Variants in ADCY9 observed in about 807,000 individuals in gnomAD.
ADCY9 encodes the protein adenylate cyclase type 9.
Under a neutral mutation model 101.5 loss-of-function variants are expected in ADCY9, and 50 were observed. The ratio of observed to expected loss-of-function variants is 0.49; its 90% CI spans 0.39 to 0.62. The LOEUF (loss-of-function observed/expected upper bound fraction) is 0.62, where lower values mean the gene tolerates loss of function less well. ADCY9 is among the 20% of genes least tolerant of loss of function. The probability of loss-of-function intolerance (pLI) is 0.00; values close to 1 mark genes in which losing one functional copy is unlikely to be tolerated. For missense variants in ADCY9, 1,662 were observed against 1,800.4 expected (o/e 0.92, Z 1.39); for synonymous variants, 905 against 769.3 (o/e 1.18, Z -2.92).
chr16:3,965,719 C>G lies in ADCY9; in HGVS notation c.*56G>C. 6.6e-7 allele frequency: 1 copy of G among 1,521,162 alleles called. No individual in the cohort carries two copies. Among genetic ancestry groups the G allele is most frequent in the Non-Finnish European group, 8.9e-7 (1 of 1,119,530 alleles). 94.2% of individuals were successfully genotyped at this position (1,521,162 alleles called of 1,614,324 possible). On this transcript the variant is annotated 3_prime_UTR_variant, in exon 11 of 11. Transcript: ENST00000294016. ...GCTTGGAAAGCACAACAGCCAAATA[C>G]AAATATTACTGTGTTTCGACAAACA...
chr16:4,102,173 A>C (rs556267393), intron 2 of ADCY9, among the ~76,000 whole-genome samples: 1 of 152,290 alleles, frequency 6.6e-6, no homozygotes, highest in East Asian at 1.9e-4. Flanking sequence ...TCCACCATCG[A>C]GTCACTATGC....
rs1382458827 is a variant in ADCY9 at position 4,097,553 on chromosome 16, A to ATATATATAT, written c.1693+16196_1693+16197insATATATATA. 8.8e-4 allele frequency among the ~76,000 whole-genome samples: 47 copies of ATATATATAT among 53,402 alleles called. 1 individual carries two copies. Among genetic ancestry groups the ATATATATAT allele is most frequent in the East Asian group, 6.1e-3 (8 of 1,316 alleles). The allele number at this position is 53,402 out of a possible 152,430, so 35.0% of individuals were successfully genotyped here. A position where few individuals can be genotyped will look rare whatever the true frequency, so the allele number is the denominator to read the frequency against. The stretch of plus-strand genomic sequence containing the variant: ...CATATATATATATATATATATATAT[A>ATATATATAT]TTTTTTTTTTTTTTTTTTAAGACAG... On this transcript the variant is annotated intron_variant, in intron 2 of 10. Transcript: ENST00000294016.
intron 3 of ADCY9, among the ~76,000 whole-genome samples, chr16:4,006,085 C>T (rs1406483633): frequency 1.3e-5 from 2 of 152,190 alleles, no homozygotes; most frequent in African/African-American, 4.8e-5. Context: ...GGGTCCAACA[C>T]CACTGTCCCG....
intron 2 of ADCY9, among the ~76,000 whole-genome samples, chr16:4,104,019 G>C (rs1231051600): frequency 6.6e-6 from 1 of 152,154 alleles, no homozygotes; most frequent in Non-Finnish European, 1.5e-5. Context: ...CAGCTGTTTG[G>C]ATTGCAAGCT....
At chr16:3,970,609 C>T (rs1295973071) in intron 10 of ADCY9, among the ~76,000 whole-genome samples, 2 of 152,202 alleles carry the variant, frequency 1.3e-5, no homozygotes, top group Non-Finnish European at 1.5e-5. Flanking sequence ...ATTACAGGCA[C>T]GAGCCACCAT....
At chr16:4,077,626 G>T (rs1294222950) in intron 2 of ADCY9, among the ~76,000 whole-genome samples, 1 of 152,070 alleles carries the variant, frequency 6.6e-6, no homozygotes, top group Non-Finnish European at 1.5e-5. Flanking sequence ...TTTAAAATGA[G>T]ATATAAAAAC....
At chr16:4,052,236 T>G (rs1411328139) in intron 2 of ADCY9, among the ~76,000 whole-genome samples, 1 of 152,180 alleles carries the variant, frequency 6.6e-6, no homozygotes, top group Non-Finnish European at 1.5e-5. Context: ...AGCCCCAGAT[T>G]GAAGGAGACT....
chr16:4,028,229 G>A lies in ADCY9; in HGVS notation c.1694-20671C>T, dbSNP rs544388939. Among the ~76,000 whole-genome samples the A allele has an allele frequency of 1.4e-4, 22 of 152,218 alleles. No individual in the cohort carries two copies. The South Asian group carries it at 2.3e-3, about 16-fold the overall frequency. ...GATAATTAGCAAAATAAAATTATAC[G>A]TTACCATACAATCTTGCAATTCCAA... On this transcript the variant is annotated intron_variant, in intron 2 of 10. Coordinates refer to ENST00000294016, the MANE Select transcript of ADCY9 (RefSeq NM_001116.4).
chr16:4,044,145 G>C (rs904671732), intron 2 of ADCY9, among the ~76,000 whole-genome samples: 2 of 152,028 alleles, frequency 1.3e-5, no homozygotes, highest in East Asian at 1.9e-4. Context: ...TCAGGAGTTC[G>C]ACACCAGTCT....
At chr16:4,082,481 C>A (rs1348860407) in intron 2 of ADCY9, among the ~76,000 whole-genome samples, 2 of 152,206 alleles carry the variant, frequency 1.3e-5, no homozygotes, top group Non-Finnish European at 2.9e-5. Flanking sequence ...TCCCCGTTCC[C>A]ACACACCTAC....
In ADCY9 at chr16:4,115,329, G is replaced by A. The variant is rs577408301; in HGVS notation, c.114C>T (p.Ser38=). 2 of 1,613,644 alleles carry A rather than the reference G, an allele frequency of 1.2e-6. No homozygotes were observed. Among genetic ancestry groups the A allele is most frequent in the African/African-American group, 1.3e-5 (1 of 75,056 alleles). The part of the protein sequence containing the change: ...VRVKINPKQL[S]SNSHPKHCKY... ...TGCAGTGCTTGGGGTGGCTGTTGGA[G>A]GACAGCTGCTTGGGGTTGATCTTGA... is the stretch of plus-strand genomic sequence containing the variant. The change falls in exon 2 of 11, where the codon TCC becomes TCT. Residue 38 remains serine, a synonymous_variant. Coordinates refer to ENST00000294016, the MANE Select transcript of ADCY9 (RefSeq NM_001116.4). The surrounding 1 kb of genome is among the most constrained non-coding windows in gnomAD (Gnocchi z 6.2).
chr16:4,025,418 GAGA>G (rs2056508133), intron 2 of ADCY9, among the ~76,000 whole-genome samples: 1 of 151,724 alleles, frequency 6.6e-6, no homozygotes, highest in Non-Finnish European at 1.5e-5. Context: ...ACGCTGCAGA[GAGA>G]AGATGAGGCC....
chr16:3,967,254 T>G (rs2056007219), intron 10 of ADCY9, among the ~76,000 whole-genome samples: 1 of 152,182 alleles, frequency 6.6e-6, no homozygotes, highest in Admixed American at 6.5e-5. Context: ...CCTCCCAAAG[T>G]GCTGGAATTA....
At chr16:4,063,693 C>T (rs574035093) in intron 2 of ADCY9, among the ~76,000 whole-genome samples, 16 of 149,882 alleles carry the variant, frequency 1.1e-4, no homozygotes, top group South Asian at 4.2e-4. Flanking sequence ...GCCTGGGCCA[C>T]GGGGCGAGAT....
Position 3,978,905 on chromosome 16 carries a change from C to T in ADCY9, c.2679+211G>A, listed in dbSNP as rs150494572. 4.7e-3 allele frequency among the ~76,000 whole-genome samples: 717 copies of T among 152,062 alleles called. 3 individuals are homozygous for T. The highest frequency in any genetic ancestry group is 0.017 in the African/African-American group (704 of 41,458). ...CAGCTAATTGTATTTTTAGTAGAGA[C>T]GGGGTTTCACCATGTTGGCCAGGAT... On this transcript the variant is annotated intron_variant, in intron 8 of 10. Transcript: ENST00000294016.
downstream of ADCY9, among the ~76,000 whole-genome samples, chr16:3,961,583 C>G (rs936622657): frequency 6.6e-6 from 1 of 152,124 alleles, no homozygotes; most frequent in Non-Finnish European, 1.5e-5. Flanking sequence ...CCTCATCAAA[C>G]AGCAACCTCA....
At chr16:4,003,504 C>T (rs551722507) in intron 3 of ADCY9, among the ~76,000 whole-genome samples, 15 of 151,150 alleles carry the variant, frequency 9.9e-5, no homozygotes, top group South Asian at 4.2e-4. Flanking sequence ...TTATCACCAC[C>T]GCACTGAAGA....
chr16:4,111,383 A>G (rs2057112922), intron 2 of ADCY9, among the ~76,000 whole-genome samples: 1 of 152,188 alleles, frequency 6.6e-6, no homozygotes, highest in Non-Finnish European at 1.5e-5. Context: ...TCCCGGGTTC[A>G]AACAATTCTC....
chr16:3,980,308 C>G (rs921367181), intron 7 of ADCY9, among the ~76,000 whole-genome samples: 5 of 152,140 alleles, frequency 3.3e-5, no homozygotes, highest in African/African-American at 1.2e-4. Context: ...AAAGAAGCAG[C>G]TGAGTGTGCG....
Sources: allele counts gnomAD v4.1 joint callset (sites outside exome capture counted in the v4.1 genomes callset), GRCh38; gene constraint gnomAD v4.1.1; non-coding constraint Gnocchi (gnomAD v3.1); transcripts MANE v1.5; gene names NCBI Gene and HGNC (gene_info 2026-07-23, HGNC 2026-07-21).